Variants in TARS3 observed in about 807,000 individuals in gnomAD.
The protein encoded by TARS3 is threonyl-tRNA synthetase 3, also known as threonine--tRNA ligase 2, cytoplasmic.
Under a neutral mutation model 103.5 loss-of-function variants are expected in TARS3, and 94 were observed. The ratio of observed to expected loss-of-function variants is 0.91; its 90% CI spans 0.77 to 1.08. The LOEUF is 1.08. Among genes scored for constraint, TARS3 ranks in the 50% least tolerant of loss-of-function variants. The pLI is 0.00. For synonymous variants in TARS3, 416 were observed against 355.4 expected, an observed-to-expected ratio of 1.17 and a Z score of -1.92; for missense variants, 952 against 995.2, an observed-to-expected ratio of 0.96 and a Z score of 0.58.
At position 101,686,046 on chromosome 15, in the gene TARS3, C is replaced by A. The variant is rs1006056374; in HGVS notation, c.1337G>T (p.Arg446Leu). Residue 446 changes from arginine to leucine, a missense_variant, in exon 11 of 19, where the codon CGG (arginine) becomes CTG (leucine). By Grantham distance (102) the Arg-to-Leu change is moderately radical. Around this residue, in one of 2 missense-constraint regions of TARS3, gnomAD observed 540 missense variants for 631.0 expected, o/e 0.86. Coordinates refer to ENST00000335968, the MANE Select transcript of TARS3 (RefSeq NM_152334.3). ...TDFIREEYHK[R>L]DFTEVLSPNM... is the part of the protein sequence containing the mutation. ...GGGAGAGAGCACCTCCGTGAAGTCC[C>A]GTTTGTGATATTCCTCCTTCAAGAT... 1 of 1,607,020 alleles carries A rather than the reference C, an allele frequency of 6.2e-7. No homozygotes were observed. The highest frequency in any genetic ancestry group is 1.7e-5 in the Admixed American group (1 of 59,312).
intron 15 of TARS3, among the ~76,000 whole-genome samples, chr15:101,662,668 C>A (rs1418198959): frequency 6.6e-6 from 1 of 152,166 alleles, no homozygotes; most frequent in Admixed American, 6.5e-5. Flanking sequence ...GGCTTGAGTC[C>A]ATTCCTATGC....
chr15:101,686,159 T>G, intron 10 of TARS3, 97 bp from the exon 11 acceptor site: 1 of 1,120,672 alleles, frequency 8.9e-7, no homozygotes. Flanking sequence ...ATTGGGCTCA[T>G]GTCCTATATT....
chr15:101,684,911 T>C (rs1898402967), intron 11 of TARS3, among the ~76,000 whole-genome samples: 1 of 152,184 alleles, frequency 6.6e-6, no homozygotes, highest in Admixed American at 6.5e-5. Flanking sequence ...AGGCTATAAT[T>C]TTAAAGGATG....
intron 3 of TARS3, among the ~76,000 whole-genome samples, chr15:101,715,883 C>G (rs771826393): frequency 1.3e-5 from 2 of 152,054 alleles, no homozygotes; most frequent in Non-Finnish European, 2.9e-5. Context: ...GTCAATTGAA[C>G]GCATCACTTC....
At chr15:101,658,583 C>T (rs1466819974) in intron 16 of TARS3, among the ~76,000 whole-genome samples, 1 of 152,074 alleles carries the variant, frequency 6.6e-6, no homozygotes, top group Non-Finnish European at 1.5e-5. Context: ...ATGGACTGTC[C>T]TGTGCCTTGA....
At chr15:101,661,083 C>T (rs1197423969) in intron 16 of TARS3, among the ~76,000 whole-genome samples, 10 of 152,082 alleles carry the variant, frequency 6.6e-5, no homozygotes, top group South Asian at 2.1e-4. Flanking sequence ...TTCTTCCTTC[C>T]GGGCAAAAAG....
chr15:101,713,098 C>G (rs1253007055), intron 4 of TARS3, among the ~76,000 whole-genome samples: 2 of 152,206 alleles, frequency 1.3e-5, no homozygotes, highest in African/African-American at 4.8e-5. Context: ...GACATAGTCA[C>G]AGCCCCCACA....
At chr15:101,712,169 C>T (rs1338692277) in intron 4 of TARS3, among the ~76,000 whole-genome samples, 168 bp from the exon 5 acceptor site, 1 of 152,210 alleles carries the variant, frequency 6.6e-6, no homozygotes, top group Non-Finnish European at 1.5e-5. Context: ...GAAGAGAATG[C>T]TTTCTGAGCC....
chr15:101,723,001 T>C lies in TARS3; in HGVS notation c.369+92A>G, dbSNP rs1900566011. ...GTGACCCAAATAATAATTTAATCAGTAATTTTTATTGGAAATCCTAGGTAA... is the reference window on the plus strand; with the variant it reads ...GTGACCCAAATAATAATTTAATCAGCAATTTTTATTGGAAATCCTAGGTAA... On this transcript the variant is annotated intron_variant, in intron 2 of 18. Coordinates refer to ENST00000335968, the MANE Select transcript of TARS3 (RefSeq NM_152334.3). 7.6e-6 allele frequency: 9 copies of C among 1,182,872 alleles called. No homozygotes were observed. The East Asian group carries it at 2.0e-4, about 26-fold the overall frequency. The allele number at this position is 1,182,872 out of a possible 1,614,324, so 73.3% of individuals were successfully genotyped here.
At chr15:101,689,209 T>G (rs893517044) in intron 10 of TARS3, among the ~76,000 whole-genome samples, 1 of 152,052 alleles carries the variant, frequency 6.6e-6, no homozygotes, top group East Asian at 1.9e-4. Context: ...TTGCTTACAA[T>G]GGAGTAAGGA....
At chr15:101,674,572 C>A (rs906561720) in intron 13 of TARS3, among the ~76,000 whole-genome samples, 1 of 151,698 alleles carries the variant, frequency 6.6e-6, no homozygotes, top group African/African-American at 2.4e-5. Context: ...TTTGGGAGGC[C>A]GAGGCAGGAG....
intron 10 of TARS3, among the ~76,000 whole-genome samples, chr15:101,697,509 G>A (rs1002500023): frequency 1.3e-5 from 2 of 152,152 alleles, no homozygotes; most frequent in Admixed American, 6.5e-5. Context: ...TAAACCAAAC[G>A]TGAAACTAAT....
intron 3 of TARS3, among the ~76,000 whole-genome samples, chr15:101,720,558 G>A (rs942525443): frequency 6.6e-6 from 1 of 151,978 alleles, no homozygotes; most frequent in Non-Finnish European, 1.5e-5. Context: ...ATTAGAACAG[G>A]AAATGATTGT....
In TARS3 at chr15:101,721,210, A is replaced by T. The variant is rs1186854776; in HGVS notation, c.482T>A (p.Ile161Asn). 1 of 1,613,882 alleles carries T rather than the reference A, an allele frequency of 6.2e-7. No individual in the cohort carries two copies. Among genetic ancestry groups the T allele is most frequent in the Admixed American group, 1.7e-5 (1 of 60,000 alleles). ...CCCATCAGCCACTCTTACTGTGATG[A>T]TGTTGCTTGTATCCCCCTTTTTTCC... ...IYGKKGDTSN[I>N]ITVRVADGQT... Residue 161 changes from isoleucine (I) to asparagine (N), a missense_variant, in exon 3 of 19, where the codon ATC (isoleucine) becomes AAC (asparagine). Physicochemically the swap from Ile to Asn is moderately radical, Grantham distance 149. Around this residue, in one of 2 missense-constraint regions of TARS3, gnomAD observed 412 missense variants for 364.2 expected, o/e 1.13. Coordinates refer to ENST00000335968, the MANE Select transcript of TARS3 (RefSeq NM_152334.3).
chr15:101,659,101 T>C (rs1426366567), intron 16 of TARS3, among the ~76,000 whole-genome samples: 2 of 152,216 alleles, frequency 1.3e-5, no homozygotes, highest in African/African-American at 4.8e-5. Flanking sequence ...TCTATATAAC[T>C]TCTTAGAACA....
At position 101,721,232 on chromosome 15, in the gene TARS3, T is replaced by C. The variant is rs367721779; in HGVS notation, c.460A>G (p.Lys154Glu). 3.2e-5 allele frequency: 51 copies of C among 1,614,008 alleles called. No homozygotes were observed. Among genetic ancestry groups the C allele is most frequent in the Non-Finnish European group, 4.2e-5 (50 of 1,179,962 alleles). ...DHQLLLAIYG[K>E]KGDTSNIITV... ...ATGATGTTGCTTGTATCCCCCTTTT[T>C]TCCATAAATGGCAAGTAAGAGCTGA... Residue 154 changes from lysine to glutamate, a missense_variant, in exon 3 of 19, where the codon AAA becomes GAA. By Grantham distance (56) the Lys-to-Glu change is moderately conservative. Coordinates refer to ENST00000335968, the MANE Select transcript of TARS3 (RefSeq NM_152334.3).
chr15:101,657,011 C>T lies in TARS3; in HGVS notation c.2171G>A (p.Gly724Glu). 1 of 1,613,552 alleles carries T rather than the reference C, an allele frequency of 6.2e-7. No individual in the cohort carries two copies. Among genetic ancestry groups the T allele is most frequent in the Non-Finnish European group, 8.5e-7 (1 of 1,179,602 alleles). The change falls in exon 18 of 19, where the codon GGA becomes GAA. Residue 724 changes from glycine to glutamate, a missense_variant. Physicochemically the swap from Gly to Glu is moderately conservative, Grantham distance 98. Coordinates refer to ENST00000335968, the MANE Select transcript of TARS3 (RefSeq NM_152334.3). The part of the protein sequence containing the change: ...LQVSSEFFEE[G>E]FMADVDLDHS... ...ATCCAAGTCAACGTCAGCCATAAATCCTTCTTCAAAAAATTCACTGGATAC... is the reference window on the plus strand; with the variant it reads ...ATCCAAGTCAACGTCAGCCATAAATTCTTCTTCAAAAAATTCACTGGATAC...
intron 12 of TARS3, among the ~76,000 whole-genome samples, chr15:101,683,176 C>A (rs917373730): frequency 6.6e-6 from 1 of 151,868 alleles, no homozygotes; most frequent in South Asian, 2.1e-4. Flanking sequence ...ATTTGTTCTT[C>A]TTTTTCTATC....
At chr15:101,712,092 A>G (rs1899899457) in intron 4 of TARS3, 91 bp from the exon 5 acceptor site, 11 of 1,417,726 alleles carry the variant, frequency 7.8e-6, no homozygotes, top group South Asian at 2.8e-5. Flanking sequence ...GAAAATTTTA[A>G]GGAGATACAT....
Sources: gnomAD v4.1 joint callset for allele counts (sites outside exome capture counted in the v4.1 genomes callset) on GRCh38, gnomAD v4.1.1 for gene constraint, gnomAD v4.1.1 regional missense constraint, MANE v1.5 for transcripts, NCBI Gene and HGNC (gene_info 2026-07-23, HGNC 2026-07-21) for gene names.